ZHX3: variants seen among roughly 807,000 people sequenced by gnomAD.
ZHX3 encodes the protein zinc fingers and homeoboxes 3, also known as zinc fingers and homeoboxes protein 3.
ZHX3 carries 20 observed loss-of-function variants against 64.5 expected under a neutral mutation model. The observed-to-expected ratio is 0.31, with a 90% CI of 0.22 to 0.45. The LOEUF is 0.45. ZHX3 is among the 20% of genes least tolerant of loss of function. The pLI is 1.00. For missense variants in ZHX3, 1,041 were observed against 1,195.8 expected (o/e 0.87, Z 1.91); for synonymous variants, 423 against 461.6 (o/e 0.92, Z 1.07).
rs758454702 is a variant in ZHX3, at chr20:41,204,154, C to T, written c.763G>A (p.Gly255Arg). Residue 255 changes from glycine to arginine, a missense_variant, in exon 3 of 4, where the codon GGG (glycine) becomes AGG (arginine). Physicochemically the swap from Gly to Arg is moderately radical, Grantham distance 125. Around this residue, in one of 4 missense-constraint regions of ZHX3, gnomAD observed 358 missense variants for 369.1 expected, o/e 0.97. Coordinates refer to ENST00000683867, the MANE Select transcript of ZHX3 (RefSeq NM_001384317.1). The surrounding 1 kb of genome is among the most constrained non-coding windows in gnomAD (Gnocchi z 6.6). ...SSAKNPHAAN[G>R]PLIGTVPVLP... ...ACTGGCACTGTTCCTATCAGGGGCC[C>T]GTTGGCGGCATGGGGGTTTTTTGCA... is the stretch of plus-strand genomic sequence containing the variant. 96 of 1,607,410 alleles carry T rather than the reference C, an allele frequency of 6.0e-5. No individual in the cohort carries two copies. Among genetic ancestry groups the T allele is most frequent in the Non-Finnish European group, 7.3e-5 (86 of 1,176,776 alleles).
At chr20:41,193,667 T>G (rs187072025) in intron 3 of ZHX3, among the ~76,000 whole-genome samples, 1 of 130,510 alleles carries the variant, frequency 7.7e-6, no homozygotes, top group African/African-American at 2.7e-5. Context: ...ACTATTTTTG[T>G]GTGTGTGTGG....
rs1189438798 is a variant in ZHX3, at chr20:41,181,543, G to C, written c.*3648C>G. 6.6e-6 allele frequency: 1 copy of C among 152,136 alleles called. No homozygotes were observed. Among genetic ancestry groups the C allele is most frequent in the African/African-American group, 2.4e-5 (1 of 41,414 alleles). 9.4% of individuals were successfully genotyped at this position (152,136 alleles called of 1,614,324 possible). A position where few individuals can be genotyped will look rare whatever the true frequency, so the allele number is the denominator to read the frequency against. On this transcript the variant is annotated 3_prime_UTR_variant, in exon 4 of 4. Coordinates refer to ENST00000683867, the MANE Select transcript of ZHX3 (RefSeq NM_001384317.1). ...ATCTGAGGATATTGGTCCAAAAAGAGACAAGAGACCACGAGGCTCAAGCAG... is the reference window on the plus strand; with the variant it reads ...ATCTGAGGATATTGGTCCAAAAAGACACAAGAGACCACGAGGCTCAAGCAG...
chr20:41,275,746 T>C (rs1251835187), intron 1 of ZHX3, among the ~76,000 whole-genome samples: 1 of 152,198 alleles, frequency 6.6e-6, no homozygotes, highest in Non-Finnish European at 1.5e-5. Context: ...CACTGCCTGA[T>C]GAGGGTCCTA....
chr20:41,202,703 A>T lies in ZHX3; in HGVS notation c.2214T>A (p.Asn738Lys). The T allele has an allele frequency of 6.2e-7, 1 of 1,614,056 alleles. No homozygotes were observed. Among genetic ancestry groups the T allele is most frequent in the East Asian group, 2.2e-5 (1 of 44,868 alleles). ...CCAGCCCTGGAATCTCGTTCCTGCC[A>T]TTGGCTTCAGTGACCCTCAGGTTCT... is the stretch of plus-strand genomic sequence containing the variant. Reference protein sequence around the residue: ...NLKNLRVTEANGRNEIPGLGA... With the variant: ...NLKNLRVTEAKGRNEIPGLGA... Residue 738 changes from asparagine to lysine, a missense_variant, in exon 3 of 4, where the codon AAT becomes AAA. By Grantham distance (94) the Asn-to-Lys change is moderately conservative (BLOSUM62 0). Transcript: ENST00000683867. The surrounding 1 kb of genome is among the most constrained non-coding windows in gnomAD (Gnocchi z 7.0).
At chr20:41,275,042 C>T (rs1398623654) in intron 1 of ZHX3, among the ~76,000 whole-genome samples, 1 of 151,982 alleles carries the variant, frequency 6.6e-6, no homozygotes, top group Non-Finnish European at 1.5e-5. Context: ...CTGTTAATTC[C>T]AGCTACTTGG....
At chr20:41,236,059 A>T (rs947482254) in intron 2 of ZHX3, among the ~76,000 whole-genome samples, 46 of 152,234 alleles carry the variant, frequency 3.0e-4, no homozygotes, top group South Asian at 8.3e-4. Context: ...GAATCCAACT[A>T]ACAAGGGATG....
In ZHX3 at chr20:41,232,084, A is replaced by C. The variant is rs2040643770; in HGVS notation, c.-150-27018T>G. On this transcript the variant is annotated intron_variant, in intron 2 of 3. Coordinates refer to ENST00000683867, the MANE Select transcript of ZHX3 (RefSeq NM_001384317.1). The surrounding 1 kb of genome is among the most constrained non-coding windows in gnomAD (Gnocchi z 5.0). ...CAGCCTTTGAAGTTGTTTTCAAAGG[A>C]AGCCACCAAGATGATTAAAGGGTTG... 6.6e-6 allele frequency among the ~76,000 whole-genome samples: 1 copy of C among 152,208 alleles called. No homozygotes were observed. The highest frequency in any genetic ancestry group is 1.5e-5 in the Non-Finnish European group (1 of 68,032).
intron 1 of ZHX3, among the ~76,000 whole-genome samples, chr20:41,269,813 G>C (rs1274455814): frequency 6.6e-6 from 1 of 151,382 alleles, no homozygotes; most frequent in Admixed American, 6.6e-5. Flanking sequence ...TTGTACACTA[G>C]ACTCTAGTGT....
Position 41,226,362 on chromosome 20 carries a change from A to G in ZHX3, c.-150-21296T>C, listed in dbSNP as rs2040272461. On this transcript the variant is annotated intron_variant, in intron 2 of 3. Transcript: ENST00000683867. The surrounding 1 kb of genome is among the most constrained non-coding windows in gnomAD (Gnocchi z 4.4). ...CAGGGCAATACTCTATTTCAAAAACAAAAGAATTTCCTTTCATTTTAAGGC... is the reference window on the plus strand; with the variant it reads ...CAGGGCAATACTCTATTTCAAAAACGAAAGAATTTCCTTTCATTTTAAGGC... 6.6e-6 allele frequency among the ~76,000 whole-genome samples: 1 copy of G among 151,640 alleles called. No homozygotes were observed. Among genetic ancestry groups the G allele is most frequent in the Admixed American group, 6.6e-5 (1 of 15,230 alleles).
At chr20:41,285,384 G>GT (rs930652286) in intron 1 of ZHX3, among the ~76,000 whole-genome samples, 2 of 152,160 alleles carry the variant, frequency 1.3e-5, no homozygotes, top group Non-Finnish European at 2.9e-5. Context: ...TAATACTAAT[G>GT]TTGGTGTTAG....
At chr20:41,282,745 A>G (rs6029609) in intron 1 of ZHX3, among the ~76,000 whole-genome samples, 89,026 of 152,022 alleles carry the variant, frequency 0.59, 27,594 homozygotes, top group East Asian at 0.82. Flanking sequence ...GTTGCATGAA[A>G]TTGAACTGGG....
At chr20:41,247,122 T>C (rs1211391645) in intron 2 of ZHX3, among the ~76,000 whole-genome samples, 2 of 151,926 alleles carry the variant, frequency 1.3e-5, no homozygotes, top group African/African-American at 2.4e-5. Context: ...TAGATGGGCA[T>C]TGTGGCGTGC....
intron 2 of ZHX3, among the ~76,000 whole-genome samples, chr20:41,218,371 G>A (rs1409957482): frequency 6.6e-6 from 1 of 151,494 alleles, no homozygotes; most frequent in African/African-American, 2.4e-5. Context: ...TTAAGCCTGG[G>A]AGGTCGTAGC....
chr20:41,269,415 G>T (rs947040599), intron 1 of ZHX3: 1 of 152,176 alleles, frequency 6.6e-6, no homozygotes, highest in Non-Finnish European at 1.5e-5. Flanking sequence ...ACTAACAGAT[G>T]TGTTGCTTTG....
intron 1 of ZHX3, among the ~76,000 whole-genome samples, chr20:41,285,093 G>A (rs1246998915): frequency 3.3e-5 from 5 of 152,002 alleles, no homozygotes; most frequent in South Asian, 4.2e-4. Flanking sequence ...ATACTGGGTC[G>A]ATGATCCTTC....
At chr20:41,261,061 A>G (rs951369893) in intron 2 of ZHX3, among the ~76,000 whole-genome samples, 12 of 152,204 alleles carry the variant, frequency 7.9e-5, no homozygotes, top group Admixed American at 4.6e-4. Flanking sequence ...TACTTTCAGC[A>G]TGGAAAGACC....
chr20:41,270,397 C>T (rs1460735915), intron 1 of ZHX3, among the ~76,000 whole-genome samples: 4 of 142,076 alleles, frequency 2.8e-5, no homozygotes, highest in African/African-American at 5.3e-5. Context: ...AAAAAAAGGC[C>T]GGGCACGGTG....
At chr20:41,225,011 C>G (rs1007266798) in intron 2 of ZHX3, among the ~76,000 whole-genome samples, 1 of 152,188 alleles carries the variant, frequency 6.6e-6, no homozygotes, top group Non-Finnish European at 1.5e-5. Context: ...CCACTGTTTC[C>G]GTAGCATATA....
intron 2 of ZHX3, among the ~76,000 whole-genome samples, chr20:41,207,014 G>C (rs2038769633): frequency 6.6e-6 from 1 of 152,172 alleles, no homozygotes; most frequent in African/African-American, 2.4e-5. Flanking sequence ...TTAAAGAAAA[G>C]AACTTTCAAT....
Sources: gnomAD v4.1 joint callset for allele counts (sites outside exome capture counted in the v4.1 genomes callset) on GRCh38, gnomAD v4.1.1 for gene constraint, gnomAD v4.1.1 regional missense constraint, Gnocchi (gnomAD v3.1) non-coding constraint, MANE v1.5 for transcripts, NCBI Gene and HGNC (gene_info 2026-07-23, HGNC 2026-07-21) for gene names.